SOX6: variants seen among roughly 807,000 people sequenced by gnomAD.
SOX6 encodes the protein SRY-box transcription factor 6.
SOX6 carries 11 observed loss-of-function variants against 97.8 expected under a neutral mutation model. The observed-to-expected ratio is 0.11, with a 90% CI of 0.07 to 0.19. The LOEUF is 0.19. Among genes scored for constraint, SOX6 ranks in the 10% least tolerant of loss-of-function variants. The pLI is 1.00. For synonymous variants in SOX6, 360 were observed against 371.4 expected (o/e 0.97, Z 0.35); for missense variants, 810 against 1,039.5 (o/e 0.78, Z 3.04).
At chr11:16,272,355 T>A (rs1854283341) in intron 3 of SOX6, among the ~76,000 whole-genome samples, 1 of 151,662 alleles carries the variant, frequency 6.6e-6, no homozygotes, top group South Asian at 2.1e-4. Context: ...AATCCATAAA[T>A]AATTTCTGTT....
chr11:16,122,316 T>C (rs1370079320), intron 6 of SOX6, among the ~76,000 whole-genome samples: 1 of 152,038 alleles, frequency 6.6e-6, no homozygotes, highest in Non-Finnish European at 1.5e-5. Flanking sequence ...AAGATGAATG[T>C]TTCCTATTCC....
chr11:16,213,098 TC>T (rs1443916709), intron 4 of SOX6, among the ~76,000 whole-genome samples: 1 of 152,092 alleles, frequency 6.6e-6, no homozygotes, highest in African/African-American at 2.4e-5. Context: ...TTAATTTGAT[TC>T]CTGGACCTCA....
chr11:16,094,578 C>G lies in SOX6; in HGVS notation c.1101+1418G>C, dbSNP rs115168503. 2.4e-3 allele frequency among the ~76,000 whole-genome samples: 370 copies of G among 152,002 alleles called. 1 individual carries two copies. Among genetic ancestry groups the G allele is most frequent in the African/African-American group, 8.0e-3 (331 of 41,512 alleles). On this transcript the variant is annotated intron_variant, in intron 9 of 15. Coordinates refer to ENST00000683767, the MANE Select transcript of SOX6 (RefSeq NM_001367873.1). ...TCATTCTTCCAGGCATTTAAAAGCT[C>G]TCAAGCTGACTGTCCTGAGTAGATA...
chr11:15,973,654 C>T (rs1853381452), intron 15 of SOX6, among the ~76,000 whole-genome samples: 1 of 152,160 alleles, frequency 6.6e-6, no homozygotes, highest in Admixed American at 6.5e-5. Context: ...TACATATTTC[C>T]ATGGCTGAAC....
At chr11:16,631,134 C>A (rs1384660604) in intron 3 of SOX6, among the ~76,000 whole-genome samples, 1 of 151,926 alleles carries the variant, frequency 6.6e-6, no homozygotes, top group African/African-American at 2.4e-5. Context: ...AAGGTTGTTA[C>A]TTTGTTGCTT....
intron 3 of SOX6, among the ~76,000 whole-genome samples, chr11:16,288,438 G>A (rs1428307089): frequency 1.3e-5 from 2 of 151,882 alleles, no homozygotes; most frequent in Non-Finnish European, 1.5e-5. Context: ...TGTTTACAAG[G>A]GCATTAGATA....
At chr11:16,047,956 C>T (rs185840705) in intron 11 of SOX6, among the ~76,000 whole-genome samples, 35 of 152,122 alleles carry the variant, frequency 2.3e-4, no homozygotes, top group African/African-American at 8.0e-4. Context: ...TATCCAATAT[C>T]ACCTGGACGA....
At chr11:16,261,582 C>A (rs1223859557) in intron 3 of SOX6, among the ~76,000 whole-genome samples, 1 of 151,824 alleles carries the variant, frequency 6.6e-6, no homozygotes, top group African/African-American at 2.4e-5. Context: ...GGTATATACT[C>A]TGAGCACTGA....
chr11:16,662,627 G>A (rs1847774358), intron 3 of SOX6, among the ~76,000 whole-genome samples: 1 of 152,048 alleles, frequency 6.6e-6, no homozygotes, highest in African/African-American at 2.4e-5. Flanking sequence ...GAACAAAGGA[G>A]AAAAATATAT....
At chr11:16,522,391 G>A (rs1037430634) in intron 4 of SOX6, among the ~76,000 whole-genome samples, 1 of 151,992 alleles carries the variant, frequency 6.6e-6, no homozygotes, top group Admixed American at 6.6e-5. Flanking sequence ...AGCTTCATAA[G>A]TGAAGGAGAA....
At chr11:16,529,073 C>T (rs901596264) in intron 4 of SOX6, among the ~76,000 whole-genome samples, 3 of 152,022 alleles carry the variant, frequency 2.0e-5, no homozygotes, top group African/African-American at 7.2e-5. Flanking sequence ...CTTCAGACCA[C>T]GATATGTCTG....
At chr11:16,071,627 C>A (rs1299665413) in intron 9 of SOX6, among the ~76,000 whole-genome samples, 4 of 152,180 alleles carry the variant, frequency 2.6e-5, no homozygotes, top group African/African-American at 9.7e-5. Context: ...GCTTCCAGCC[C>A]AGTGGTCTTG....
At chr11:16,698,728 T>A (rs988042406) in intron 3 of SOX6, among the ~76,000 whole-genome samples, 3 of 152,146 alleles carry the variant, frequency 2.0e-5, no homozygotes, top group Admixed American at 6.6e-5. Context: ...TCAATATTGT[T>A]GTGTTTCAGG....
chr11:16,130,683 T>C (rs1849718520), intron 6 of SOX6, among the ~76,000 whole-genome samples: 1 of 151,842 alleles, frequency 6.6e-6, no homozygotes, highest in Non-Finnish European at 1.5e-5. Flanking sequence ...GTCAAAACAA[T>C]TAAACAAATA....
At chr11:16,602,190 T>G (rs1848278596) in intron 4 of SOX6, among the ~76,000 whole-genome samples, 1 of 152,052 alleles carries the variant, frequency 6.6e-6, no homozygotes. Context: ...AAAGCAACAA[T>G]AAACAGAATA....
At chr11:16,472,929 C>T (rs1280204397) in intron 1 of SOX6, among the ~76,000 whole-genome samples, 1 of 152,092 alleles carries the variant, frequency 6.6e-6, no homozygotes, top group East Asian at 1.9e-4. Flanking sequence ...TAAATACCAA[C>T]AGTTTACAAC....
At chr11:16,435,123 A>C (rs1376298323) in intron 1 of SOX6, among the ~76,000 whole-genome samples, 1 of 152,200 alleles carries the variant, frequency 6.6e-6, no homozygotes, top group East Asian at 1.9e-4. Context: ...TGCAATAGCA[A>C]AGAAAATAAC....
chr11:16,455,147 T>C (rs2133100362), intron 1 of SOX6, among the ~76,000 whole-genome samples: 1 of 152,166 alleles, frequency 6.6e-6, no homozygotes, highest in South Asian at 2.1e-4. Context: ...TACTGAAATT[T>C]ATTAAAAATT....
intron 3 of SOX6, among the ~76,000 whole-genome samples, chr11:16,259,578 T>C (rs1014430187): frequency 4.6e-5 from 7 of 152,082 alleles, no homozygotes; most frequent in African/African-American, 7.2e-5. Flanking sequence ...TGGTAACCAA[T>C]AGACATAGAA....
Sources: gnomAD v4.1 joint callset for allele counts (sites outside exome capture counted in the v4.1 genomes callset) on GRCh38, gnomAD v4.1.1 for gene constraint, MANE v1.5 for transcripts, NCBI Gene and HGNC (gene_info 2026-07-23, HGNC 2026-07-21) for gene names.